PGCKA1: variants seen among roughly 807,000 people sequenced by gnomAD.
PGCKA1 encodes PDCD10 and GCKIII kinases associated 1, also known as PDCD10 and GCKIII kinases-associated protein 1.
At chr4:37,544,723 A>T in the PGCKA1 span, among the ~76,000 whole-genome samples, 2 of 150,098 alleles carry the variant, frequency 1.3e-5, no homozygotes, top group African/African-American at 4.9e-5. Flanking sequence ...TGTTATTGTC[A>T]GTGGCTTGGG....
At chr4:37,518,557 A>G in the PGCKA1 span, among the ~76,000 whole-genome samples, 4 of 152,186 alleles carry the variant, frequency 2.6e-5, no homozygotes, top group Non-Finnish European at 5.9e-5. Context: ...CCTATTTGCC[A>G]TTTGTATGTC....
the PGCKA1 span, among the ~76,000 whole-genome samples, chr4:37,469,083 A>C: frequency 0.42 from 63,293 of 151,924 alleles, 14,010 homozygotes; most frequent in Non-Finnish European, 0.49. Flanking sequence ...AATTGCCTAC[A>C]GTATTCAGTA....
chr4:37,541,955 C>T, the PGCKA1 span, among the ~76,000 whole-genome samples: 1 of 152,108 alleles, frequency 6.6e-6, no homozygotes, highest in African/African-American at 2.4e-5. Context: ...AGGCAACTTG[C>T]AAACAGCATG....
chr4:37,536,202 A>G, the PGCKA1 span, among the ~76,000 whole-genome samples: 1 of 152,182 alleles, frequency 6.6e-6, no homozygotes, highest in Non-Finnish European at 1.5e-5. Flanking sequence ...TATTTGGGAT[A>G]GGGGCACAGC....
the PGCKA1 span, among the ~76,000 whole-genome samples, chr4:37,498,646 A>G: frequency 2.0e-5 from 3 of 152,002 alleles, no homozygotes; most frequent in Non-Finnish European, 2.9e-5. Flanking sequence ...ATTCCTAAAT[A>G]TTTTATTTTT....
chr4:37,556,867 T>G, the PGCKA1 span, among the ~76,000 whole-genome samples: 1 of 152,256 alleles, frequency 6.6e-6, no homozygotes, highest in Non-Finnish European at 1.5e-5. Flanking sequence ...TGATAAAAAA[T>G]AAGAATAATA....
chr4:37,588,770 GA>G, the PGCKA1 span: 392 of 1,040,386 alleles, frequency 3.8e-4, no homozygotes, highest in Admixed American at 5.8e-4. Flanking sequence ...AGTCTCTAGG[GA>G]AAAAAAAAGG....
chr4:37,546,126 G>A, the PGCKA1 span, among the ~76,000 whole-genome samples: 4,007 of 152,228 alleles, frequency 0.026, 194 homozygotes, highest in African/African-American at 0.091. Context: ...ACTTTGTACC[G>A]ACTGTGCTCC....
At chr4:37,577,950 T>C in the PGCKA1 span, among the ~76,000 whole-genome samples, 1 of 152,240 alleles carries the variant, frequency 6.6e-6, no homozygotes, top group East Asian at 1.9e-4. Context: ...GTTTTAAGAC[T>C]TGTTTTGTGA....
the PGCKA1 span, among the ~76,000 whole-genome samples, chr4:37,519,322 C>T: frequency 3.6e-3 from 538 of 151,440 alleles, 7 homozygotes; most frequent in African/African-American, 0.012. Flanking sequence ...ATTGGTATTT[C>T]GATACAGATT....
At chr4:37,508,059 C>T in the PGCKA1 span, among the ~76,000 whole-genome samples, 2 of 152,090 alleles carry the variant, frequency 1.3e-5, no homozygotes, top group Admixed American at 6.5e-5. Context: ...TGTATTGAAG[C>T]ACCTTTGTAT....
chr4:37,476,981 A>G, the PGCKA1 span, among the ~76,000 whole-genome samples: 1 of 152,170 alleles, frequency 6.6e-6, no homozygotes, highest in African/African-American at 2.4e-5. Context: ...ATGTTGGGAA[A>G]CAGTCTTGCA....
chr4:37,560,770 T>C, the PGCKA1 span, among the ~76,000 whole-genome samples: 1 of 152,136 alleles, frequency 6.6e-6, no homozygotes, highest in Non-Finnish European at 1.5e-5. Context: ...TATCTGTACA[T>C]CTTTCTAAGG....
chr4:37,566,119 A>G, the PGCKA1 span, among the ~76,000 whole-genome samples: 1 of 152,012 alleles, frequency 6.6e-6, no homozygotes, highest in Non-Finnish European at 1.5e-5. Flanking sequence ...CCCTTTACAT[A>G]TATGTCTATC....
At chr4:37,463,662 G>C in the PGCKA1 span, among the ~76,000 whole-genome samples, 1 of 152,124 alleles carries the variant, frequency 6.6e-6, no homozygotes, top group Admixed American at 6.5e-5. Flanking sequence ...GTGGCGCTGG[G>C]GAGGTGAGCC....
chr4:37,491,249 A>G, the PGCKA1 span, among the ~76,000 whole-genome samples: 4 of 152,160 alleles, frequency 2.6e-5, no homozygotes, highest in African/African-American at 9.7e-5. Context: ...ACTTTCCGCT[A>G]TGGAAGATGA....
chr4:37,549,851 C>G, the PGCKA1 span, among the ~76,000 whole-genome samples: 1 of 152,216 alleles, frequency 6.6e-6, no homozygotes, highest in Admixed American at 6.5e-5. Flanking sequence ...AGACAGCAAG[C>G]CCTGCTCCAG....
At chr4:37,590,380 C>T in the PGCKA1 span, 1 of 1,613,766 alleles carries the variant, frequency 6.2e-7, no homozygotes, top group Non-Finnish European at 8.5e-7. Context: ...CACTCCACAG[C>T]CCACTGGGAA....
the PGCKA1 span, among the ~76,000 whole-genome samples, chr4:37,562,167 C>T: frequency 6.6e-6 from 1 of 152,192 alleles, no homozygotes; most frequent in African/African-American, 2.4e-5. Context: ...CCACTCTGCA[C>T]ATGTCCAGGA....
Sources: allele counts gnomAD v4.1 joint callset (sites outside exome capture counted in the v4.1 genomes callset), GRCh38; gene constraint gnomAD v4.1.1; transcripts MANE v1.5; gene names NCBI Gene and HGNC (gene_info 2026-07-23, HGNC 2026-07-21).